SLC35F2: variants seen among roughly 807,000 people sequenced by gnomAD.
The protein encoded by SLC35F2 is solute carrier family 35 member F2.
SLC35F2 carries 25 observed loss-of-function variants against 38.1 expected under a neutral mutation model. The ratio of observed to expected loss-of-function variants is 0.66; its 90% CI spans 0.48 to 0.92. The LOEUF is 0.92. Among genes scored for constraint, SLC35F2 ranks in the 40% least tolerant of loss-of-function variants. The probability of loss-of-function intolerance (pLI) is 0.00; values close to 1 mark genes in which losing one functional copy is unlikely to be tolerated. For missense variants in SLC35F2, 409 were observed against 452.9 expected, an observed-to-expected ratio of 0.90 and a Z score of 0.88; for synonymous variants, 173 against 181.7, an observed-to-expected ratio of 0.95 and a Z score of 0.38.
intron 1 of SLC35F2, among the ~76,000 whole-genome samples, chr11:107,833,260 G>A (rs1302623059): frequency 6.6e-6 from 1 of 152,064 alleles, no homozygotes; most frequent in Non-Finnish European, 1.5e-5. Flanking sequence ...GGTGTCTCAC[G>A]ACTGTAATCC....
At chr11:107,799,889 TTTTG>T (rs1389050203) in intron 7 of SLC35F2, among the ~76,000 whole-genome samples, 2 of 73,666 alleles carry the variant, frequency 2.7e-5, no homozygotes, top group African/African-American at 2.5e-4. Flanking sequence ...TTTTGTTTGT[TTTTG>T]TTTTTTTTTT....
intron 1 of SLC35F2, among the ~76,000 whole-genome samples, chr11:107,841,067 G>A (rs1194133271): frequency 6.6e-6 from 1 of 152,140 alleles, no homozygotes; most frequent in Admixed American, 6.5e-5. Context: ...AGACAACTCT[G>A]AATAGGCTCA....
At chr11:107,817,195 G>T (rs1298736129) in intron 1 of SLC35F2, among the ~76,000 whole-genome samples, 1 of 151,958 alleles carries the variant, frequency 6.6e-6, no homozygotes, top group Non-Finnish European at 1.5e-5. Flanking sequence ...AGAATCACTT[G>T]AACACAGGAA....
At chr11:107,838,725 T>C (rs1343668682) in intron 1 of SLC35F2, among the ~76,000 whole-genome samples, 3 of 149,334 alleles carry the variant, frequency 2.0e-5, no homozygotes, top group Non-Finnish European at 4.4e-5. Context: ...GCCTCCTGGG[T>C]TCAAGCGATT....
Position 107,828,162 on chromosome 11 carries a change from C to T in SLC35F2, c.111-12197G>A, listed in dbSNP as rs549296632. Among the ~76,000 whole-genome samples the T allele has an allele frequency of 7.2e-5, 11 of 152,254 alleles. No homozygotes were observed. The South Asian group carries it at 2.3e-3, about 32-fold the overall frequency. ...TGAGTTAATAGCAATACTGGCTGGG[C>T]ACAGTGGCTCAGGCCTGTAATCCCA... On this transcript the variant is annotated intron_variant, in intron 1 of 7. Transcript: ENST00000525815.
At chr11:107,799,753 A>G (rs913425058) in intron 7 of SLC35F2, among the ~76,000 whole-genome samples, 7 of 151,996 alleles carry the variant, frequency 4.6e-5, no homozygotes. Context: ...TTGTACTTGT[A>G]AAGACGGGGT....
intron 6 of SLC35F2, chr11:107,803,568 T>C: frequency 2.2e-6 from 2 of 890,274 alleles, no homozygotes; most frequent in African/African-American, 3.7e-5. Context: ...TTGGACATGA[T>C]TTGTATAATT....
At chr11:107,858,613 C>T (rs1860336554) in intron 1 of SLC35F2, 45 bp downstream of exon 1, 3 of 1,250,706 alleles carry the variant, frequency 2.4e-6, no homozygotes, top group Admixed American at 4.1e-5. Flanking sequence ...GGCCCGCAGC[C>T]GCCCCCACGC....
chr11:107,858,667 A>T lies in SLC35F2; in HGVS notation c.101T>A (p.Leu34His). The T allele has an allele frequency of 1.5e-6, 2 of 1,300,324 alleles. No homozygotes were observed. The highest frequency in any genetic ancestry group is 2.0e-6 in the Non-Finnish European group (2 of 1,016,316). 80.5% of individuals were successfully genotyped at this position (1,300,324 alleles called of 1,614,324 possible). A position where few individuals can be genotyped will look rare whatever the true frequency, so the allele number is the denominator to read the frequency against. ...CGCCCCTTCCACTCACCAGGTGAAG[A>T]GTTTGCCTTTTATCCTGCGCAGCAG... ...SSLLRRIKGK[L>H]FTWNILKTIA... is the part of the protein sequence containing the mutation. The change falls in exon 1 of 8, where the codon CTC becomes CAC. Residue 34 changes from leucine (L) to histidine (H), a missense_variant. Leu to His is a moderately conservative substitution (Grantham distance 99). Coordinates refer to ENST00000525815, the MANE Select transcript of SLC35F2 (RefSeq NM_017515.5).
chr11:107,801,104 C>G (rs527257137), intron 7 of SLC35F2, among the ~76,000 whole-genome samples: 35 of 152,188 alleles, frequency 2.3e-4, no homozygotes, highest in African/African-American at 8.4e-4. Flanking sequence ...GGGGGTTTCC[C>G]CATGTTGGCC....
chr11:107,814,837 C>T (rs1859541444), intron 2 of SLC35F2, among the ~76,000 whole-genome samples: 2 of 152,294 alleles, frequency 1.3e-5, no homozygotes, highest in East Asian at 3.9e-4. Context: ...GTGGCTCACG[C>T]CTATAATCCC....
chr11:107,838,177 G>A (rs907647224), intron 1 of SLC35F2, among the ~76,000 whole-genome samples: 7 of 152,108 alleles, frequency 4.6e-5, no homozygotes, highest in Non-Finnish European at 1.0e-4. Flanking sequence ...TCCAGAGGCT[G>A]AGCTCATAAC....
At chr11:107,854,336 G>A (rs966250803) in intron 1 of SLC35F2, among the ~76,000 whole-genome samples, 3 of 151,928 alleles carry the variant, frequency 2.0e-5, no homozygotes, top group Admixed American at 2.0e-4. Flanking sequence ...AGGAGGCTGA[G>A]GTGGGAGGAT....
rs147558978 is a variant in SLC35F2, at chr11:107,857,980, G to T, written c.110+678C>A. The stretch of plus-strand genomic sequence containing the variant: ...TAGGTCCTGGGTTCTCTCATTTCCA[G>T]AGTGCAAGTCCTCCAGCAACCACAG... On this transcript the variant is annotated intron_variant, in intron 1 of 7. Coordinates refer to ENST00000525815, the MANE Select transcript of SLC35F2 (RefSeq NM_017515.5). Among the ~76,000 whole-genome samples the T allele has an allele frequency of 2.2e-3, 342 of 152,290 alleles. 2 individuals are homozygous for T. Among genetic ancestry groups the T allele is most frequent in the African/African-American group, 7.9e-3 (330 of 41,554 alleles).
intron 7 of SLC35F2, 64 bp from the exon 8 acceptor site, chr11:107,792,864 G>T: frequency 6.9e-7 from 1 of 1,448,988 alleles, no homozygotes; most frequent in African/African-American, 1.5e-5. Flanking sequence ...GCTGGCTTTT[G>T]CCAACTGTGC....
intron 1 of SLC35F2, among the ~76,000 whole-genome samples, chr11:107,846,564 C>T (rs911297631): frequency 3.9e-5 from 6 of 151,984 alleles, no homozygotes; most frequent in African/African-American, 1.5e-4. Flanking sequence ...AGAATTGCTG[C>T]CAAAATTATA....
chr11:107,849,926 C>T (rs928246654), intron 1 of SLC35F2, among the ~76,000 whole-genome samples: 9 of 152,172 alleles, frequency 5.9e-5, no homozygotes, highest in African/African-American at 2.2e-4. Context: ...TACATGTCTG[C>T]CCCTTTAACA....
intron 1 of SLC35F2, among the ~76,000 whole-genome samples, chr11:107,848,330 T>A (rs941057338): frequency 2.0e-5 from 3 of 152,174 alleles, no homozygotes; most frequent in Non-Finnish European, 2.9e-5. Context: ...CTCTAACCAA[T>A]AAACAGTGGC....
At chr11:107,803,209 A>G in intron 6 of SLC35F2, 54 bp from the exon 7 acceptor site, 1 of 1,524,138 alleles carries the variant, frequency 6.6e-7, no homozygotes, top group East Asian at 2.4e-5. Context: ...CATAAGACAA[A>G]GGAGTTTGAG....
Sources: allele counts gnomAD v4.1 joint callset (sites outside exome capture counted in the v4.1 genomes callset), GRCh38; gene constraint gnomAD v4.1.1; transcripts MANE v1.5; gene names NCBI Gene and HGNC (gene_info 2026-07-23, HGNC 2026-07-21).